Variants in FLRT2 observed in about 807,000 individuals in gnomAD.
FLRT2 encodes fibronectin leucine rich transmembrane protein 2.
FLRT2 carries 15 observed loss-of-function variants against 40.0 expected under a neutral mutation model. That is an observed-to-expected ratio of 0.38 (90% CI 0.25 to 0.58). The LOEUF (loss-of-function observed/expected upper bound fraction) is 0.58. Ranked by LOEUF, FLRT2 falls within the 20% of genes least tolerant of loss-of-function variation. The pLI is 0.71. For missense variants in FLRT2, 726 were observed against 840.0 expected (o/e 0.86, Z 1.68); for synonymous variants, 380 against 336.8 (o/e 1.13, Z -1.41).
At position 85,652,968 on chromosome 14, in the gene FLRT2, G is replaced by A. The variant is rs1029438104; in HGVS notation, c.*29471G>A. 1.3e-5 allele frequency: 2 copies of A among 152,086 alleles called. No individual in the cohort carries two copies. The highest frequency in any genetic ancestry group is 2.9e-5 in the Non-Finnish European group (2 of 68,026). 9.4% of individuals were successfully genotyped at this position (152,086 alleles called of 1,614,324 possible). On this transcript the variant is annotated 3_prime_UTR_variant, in exon 2 of 2. Transcript: ENST00000330753. ...CTTGGGGAATGTCATAGTTCATTCT[G>A]TGAGTGGAAGTTGCCTTTAACCACA...
intron 1 of FLRT2, among the ~76,000 whole-genome samples, chr14:85,538,931 C>T (rs1387560437): frequency 6.6e-6 from 1 of 152,076 alleles, no homozygotes; most frequent in East Asian, 1.9e-4. Context: ...GATTTCCTCT[C>T]CCACTTTGCT....
intron 1 of FLRT2, among the ~76,000 whole-genome samples, chr14:85,571,538 A>T (rs1192071791): frequency 6.6e-6 from 1 of 152,168 alleles, no homozygotes; most frequent in African/African-American, 2.4e-5. Flanking sequence ...CCAAAGATTG[A>T]TTCCAAGAAT....
At chr14:85,604,153 T>C (rs1353305859) in intron 1 of FLRT2, among the ~76,000 whole-genome samples, 2 of 152,090 alleles carry the variant, frequency 1.3e-5, no homozygotes, top group East Asian at 3.9e-4. Flanking sequence ...GGGTTGGAAA[T>C]TGTCACATAT....
intron 1 of FLRT2, among the ~76,000 whole-genome samples, chr14:85,544,298 AAT>A (rs1889150964): frequency 1.3e-5 from 2 of 152,140 alleles, no homozygotes; most frequent in African/African-American, 4.8e-5. Context: ...AAAGAATAAT[AAT>A]TTCGCTTGAT....
intron 1 of FLRT2, among the ~76,000 whole-genome samples, chr14:85,592,595 C>A (rs1891940350): frequency 6.6e-6 from 1 of 151,810 alleles, no homozygotes; most frequent in Non-Finnish European, 1.5e-5. Flanking sequence ...TTGAGACCAC[C>A]CTGGCCAACA....
At chr14:85,608,853 C>A (rs1291679420) in intron 1 of FLRT2, among the ~76,000 whole-genome samples, 1 of 152,096 alleles carries the variant, frequency 6.6e-6, no homozygotes, top group Admixed American at 6.6e-5. Flanking sequence ...TGGGGAGAGG[C>A]CTGCTTTAGA....
Position 85,643,337 on chromosome 14 carries a change from T to TCC in FLRT2, c.*19840_*19841insCC, listed in dbSNP as rs1566774482. 2.2e-3 allele frequency: 254 copies of TCC among 117,992 alleles called. 3 individuals carry two copies. Among genetic ancestry groups the TCC allele is most frequent in the East Asian group, 0.01 (39 of 3,790 alleles). The allele number at this position is 117,992 out of a possible 1,614,324, so 7.3% of individuals were successfully genotyped here. ...TTTCTTTCTTTCTTTCTTTCTTTCTTTCTTTCTTTCTTTCTTTCTTCCTTC... is the reference window on the plus strand; with the variant it reads ...TTTCTTTCTTTCTTTCTTTCTTTCTTCCTCTTTCTTTCTTTCTTTCTTCCTTC... On this transcript the variant is annotated 3_prime_UTR_variant, in exon 2 of 2. Transcript: ENST00000330753.
Position 85,642,293 on chromosome 14 carries a change from G to A in FLRT2, c.*18796G>A, listed in dbSNP as rs1216120648. ...TCAGAAACCCAGAGCATTATAATGG[G>A]AATGTTAGGTAGGTTTAAATTATTC... On this transcript the variant is annotated 3_prime_UTR_variant, in exon 2 of 2. Coordinates refer to ENST00000330753, the MANE Select transcript of FLRT2 (RefSeq NM_013231.6). 1 of 152,128 alleles carries A rather than the reference G, an allele frequency of 6.6e-6. No individual in the cohort carries two copies. The highest frequency in any genetic ancestry group is 2.4e-5 in the African/African-American group (1 of 41,418). The allele number at this position is 152,128 out of a possible 1,614,324, so 9.4% of individuals were successfully genotyped here.
chr14:85,621,832 C>A lies in FLRT2; in HGVS notation c.318C>A (p.Asn106Lys). 1 of 1,614,148 alleles carries A rather than the reference C, an allele frequency of 6.2e-7. No homozygotes were observed. The highest frequency in any genetic ancestry group is 2.2e-5 in the East Asian group (1 of 44,868). ...YGNQLDEFPM[N>K]LPKNVRVLHL... The stretch of plus-strand genomic sequence containing the variant: ...ACCAACTGGACGAATTCCCCATGAA[C>A]CTTCCCAAGAATGTCAGAGTTCTCC... Residue 106 changes from asparagine to lysine, a missense_variant, in exon 2 of 2, where the codon AAC becomes AAA. Asn to Lys is a moderately conservative substitution (Grantham distance 94). This residue lies in a region of FLRT2 where 9 missense variants were observed against 28.8 expected (regional missense o/e 0.31). Transcript: ENST00000330753.
At chr14:85,557,828 AAATT>A (rs374882762) in intron 1 of FLRT2, among the ~76,000 whole-genome samples, 6,363 of 149,388 alleles carry the variant, frequency 0.043, 184 homozygotes, top group Non-Finnish European at 0.066. Context: ...ATAAATAAAT[AAATT>A]AATTAATTAA....
chr14:85,535,906 TTTTTTTTTTTTTTTTG>T (rs1405156432), intron 1 of FLRT2, among the ~76,000 whole-genome samples: 3 of 78,240 alleles, frequency 3.8e-5, no homozygotes, highest in African/African-American at 1.8e-4. Flanking sequence ...TTTTTTTTTT[TTTTTTTTTTTTTTTTG>T]TTGTTGTTGT....
At chr14:85,558,135 T>C (rs941769354) in intron 1 of FLRT2, among the ~76,000 whole-genome samples, 2 of 152,300 alleles carry the variant, frequency 1.3e-5, no homozygotes, top group Non-Finnish European at 2.9e-5. Context: ...AAGCCCTCCA[T>C]GTATTCTGTT....
At chr14:85,597,015 TG>T (rs1176985248) in intron 1 of FLRT2, among the ~76,000 whole-genome samples, 1 of 152,084 alleles carries the variant, frequency 6.6e-6, no homozygotes, top group Non-Finnish European at 1.5e-5. Flanking sequence ...TTTATTGCGT[TG>T]AGATGAAAAA....
intron 1 of FLRT2, among the ~76,000 whole-genome samples, chr14:85,580,268 A>C (rs4325487): frequency 0.26 from 39,806 of 151,996 alleles, 6,226 homozygotes; most frequent in African/African-American, 0.42. Context: ...TTAGGCCAGA[A>C]TTAATGAGCC....
At chr14:85,577,388 T>G (rs1891163205) in intron 1 of FLRT2, among the ~76,000 whole-genome samples, 1 of 152,202 alleles carries the variant, frequency 6.6e-6, no homozygotes, top group African/African-American at 2.4e-5. Context: ...GACATTCAAG[T>G]TAAGCACATG....
At chr14:85,606,032 A>AT (rs1171853359) in intron 1 of FLRT2, among the ~76,000 whole-genome samples, 2 of 151,968 alleles carry the variant, frequency 1.3e-5, no homozygotes, top group Admixed American at 6.6e-5. Context: ...AGCATTCATG[A>AT]TTTTTTCTGA....
chr14:85,571,565 C>A (rs979307804), intron 1 of FLRT2, among the ~76,000 whole-genome samples: 6 of 152,106 alleles, frequency 3.9e-5, no homozygotes, highest in Non-Finnish European at 8.8e-5. Flanking sequence ...TAAATGTAAT[C>A]ATTGTTAGTC....
chr14:85,630,164 A>G lies in FLRT2; in HGVS notation c.*6667A>G, dbSNP rs1030354357. The G allele has an allele frequency of 7.9e-5, 12 of 151,970 alleles. No homozygotes were observed. Among genetic ancestry groups the G allele is most frequent in the African/African-American group, 2.7e-4 (11 of 41,480 alleles). The allele number at this position is 151,970 out of a possible 1,614,324, so 9.4% of individuals were successfully genotyped here. A position where few individuals can be genotyped will look rare whatever the true frequency, so the allele number is the denominator to read the frequency against. On this transcript the variant is annotated 3_prime_UTR_variant, in exon 2 of 2. Coordinates refer to ENST00000330753, the MANE Select transcript of FLRT2 (RefSeq NM_013231.6). ...GATAAAAATGTGTGCTTTAGGGGATATTATATAAGCTTTATTTTCACTGGC... is the reference window on the plus strand; with the variant it reads ...GATAAAAATGTGTGCTTTAGGGGATGTTATATAAGCTTTATTTTCACTGGC...
In FLRT2 at chr14:85,639,122, A is replaced by T. The variant is rs1057237661; in HGVS notation, c.*15625A>T. 6.6e-6 allele frequency: 1 copy of T among 152,186 alleles called. No individual in the cohort carries two copies. The highest frequency in any genetic ancestry group is 1.5e-5 in the Non-Finnish European group (1 of 68,038). 9.4% of individuals were successfully genotyped at this position (152,186 alleles called of 1,614,324 possible). ...CAGAGCAGGCAGTCTCTATTCTGTA[A>T]CAAGGTTTTCTCATGATCCAGTTAT... On this transcript the variant is annotated 3_prime_UTR_variant, in exon 2 of 2. Transcript: ENST00000330753.
Sources: gnomAD v4.1 joint callset for allele counts (sites outside exome capture counted in the v4.1 genomes callset) on GRCh38, gnomAD v4.1.1 for gene constraint, gnomAD v4.1.1 regional missense constraint, MANE v1.5 for transcripts, NCBI Gene and HGNC (gene_info 2026-07-23, HGNC 2026-07-21) for gene names.